CHCHD3: variants seen among roughly 807,000 people sequenced by gnomAD.
CHCHD3 encodes the protein coiled-coil-helix-coiled-coil-helix domain containing 3.
A neutral mutation model predicts 38.2 loss-of-function variants in CHCHD3; 20 were observed. The observed-to-expected ratio is 0.52, with a 90% CI of 0.37 to 0.76. The LOEUF is 0.76. Among genes scored for constraint, CHCHD3 ranks in the 30% least tolerant of loss-of-function variants. The pLI, the probability that CHCHD3 is intolerant of heterozygous loss-of-function variation, is 0.00. For missense variants in CHCHD3, 245 were observed against 279.2 expected (o/e 0.88, Z 0.87); for synonymous variants, 82 against 100.0 (o/e 0.82, Z 1.07).
At chr7:133,067,873 T>C (rs1248434327) in intron 2 of CHCHD3, among the ~76,000 whole-genome samples, 1 of 152,118 alleles carries the variant, frequency 6.6e-6, no homozygotes, top group Non-Finnish European at 1.5e-5. Context: ...TCCCAGCACT[T>C]TGGGAGGTCG....
intron 4 of CHCHD3, among the ~76,000 whole-genome samples, chr7:132,905,542 ACGTAACAAAC>A (rs1158961630): frequency 1.3e-5 from 2 of 152,130 alleles, no homozygotes; most frequent in Non-Finnish European, 2.9e-5. Context: ...ATGTTTACCT[ACGTAACAAAC>A]CTGCACATCC....
Position 132,931,921 on chromosome 7 carries a change from C to A in CHCHD3, c.369+43248G>T, listed in dbSNP as rs866138100. Among the ~76,000 whole-genome samples the A allele has an allele frequency of 4.6e-5, 7 of 152,194 alleles. No homozygotes were observed. In the Middle Eastern group the frequency reaches 0.014, roughly 298 times the overall value. On this transcript the variant is annotated intron_variant, in intron 4 of 7. Transcript: ENST00000262570. Reference sequence around the variant, plus strand: ...CAGTGGGAAATATAATGCAGCTTTACACTGCATCATGAAAGCAAGAAAACA... The same window carrying A: ...CAGTGGGAAATATAATGCAGCTTTAAACTGCATCATGAAAGCAAGAAAACA...
chr7:132,925,823 CA>C (rs1810364437), intron 4 of CHCHD3, among the ~76,000 whole-genome samples: 1 of 152,050 alleles, frequency 6.6e-6, no homozygotes, highest in South Asian at 2.1e-4. Context: ...AAAACGTTTC[CA>C]AAAGATGAGC....
At chr7:133,018,875 C>CTTTTTTTTTTT (rs5887607) in intron 3 of CHCHD3, among the ~76,000 whole-genome samples, 4 of 70,148 alleles carry the variant, frequency 5.7e-5, no homozygotes, top group African/African-American at 1.8e-4. Flanking sequence ...CATGATTTCT[C>CTTTTTTTTTTT]TTTTTTTTTT....
rs557137997 is a variant in CHCHD3 at position 132,838,316 on chromosome 7, C to A, written c.524+83G>T. ...GTATTCTAGAGTGCTATATAACAAA[C>A]TATGATCTGTGCAAAAAGCACTAAA... On this transcript the variant is annotated intron_variant, in intron 6 of 7. Transcript: ENST00000262570. 10 of 946,640 alleles carry A rather than the reference C, an allele frequency of 1.1e-5. No homozygotes were observed. In the African/African-American group the frequency reaches 1.7e-4, roughly 16 times the overall value. The allele number at this position is 946,640 out of a possible 1,614,324, so 58.6% of individuals were successfully genotyped here. A position where few individuals can be genotyped will look rare whatever the true frequency, so the allele number is the denominator to read the frequency against.
chr7:132,813,309 T>C (rs923860747), intron 6 of CHCHD3: 1 of 152,194 alleles, frequency 6.6e-6, no homozygotes, highest in Admixed American at 6.5e-5. Context: ...TCCCAATAAA[T>C]ACTTAAGTTC....
At chr7:132,866,227 A>G (rs571676787) in intron 5 of CHCHD3, among the ~76,000 whole-genome samples, 4 of 152,070 alleles carry the variant, frequency 2.6e-5, no homozygotes, top group Non-Finnish European at 4.4e-5. Context: ...TCCAAGTACA[A>G]CCTCTCAAAA....
chr7:132,928,149 C>G (rs367905246), intron 4 of CHCHD3, among the ~76,000 whole-genome samples: 2 of 152,028 alleles, frequency 1.3e-5, no homozygotes, highest in African/African-American at 4.8e-5. Context: ...AGGAAGGGGA[C>G]AGGCCAGCCA....
At position 133,054,028 on chromosome 7, in the gene CHCHD3, C is replaced by G. The variant is rs186505825; in HGVS notation, c.169+16114G>C. Among the ~76,000 whole-genome samples the G allele has an allele frequency of 3.1e-3, 479 of 152,220 alleles. 3 individuals carry two copies. The South Asian group carries it at 0.037, about 12-fold the overall frequency. On this transcript the variant is annotated intron_variant, in intron 2 of 7. Transcript: ENST00000262570. ...GTATTGCTTCATTAGTGCACAAATGCTATTTTAATGTAAAACATACTTTTA... is the reference window on the plus strand; with the variant it reads ...GTATTGCTTCATTAGTGCACAAATGGTATTTTAATGTAAAACATACTTTTA...
intron 4 of CHCHD3, among the ~76,000 whole-genome samples, chr7:132,905,511 G>A (rs1809777840): frequency 6.6e-6 from 1 of 151,952 alleles, no homozygotes; most frequent in African/African-American, 2.4e-5. Flanking sequence ...TAACACCTAG[G>A]TGATGGGATG....
chr7:132,831,119 T>C (rs1186283438), intron 6 of CHCHD3, among the ~76,000 whole-genome samples: 6 of 152,200 alleles, frequency 3.9e-5, no homozygotes, highest in Non-Finnish European at 7.3e-5. Flanking sequence ...TCTTCTTGTG[T>C]AAACTTTTCA....
intron 3 of CHCHD3, among the ~76,000 whole-genome samples, chr7:132,978,709 G>C (rs1349452384): frequency 6.6e-6 from 1 of 152,106 alleles, no homozygotes; most frequent in Non-Finnish European, 1.5e-5. Flanking sequence ...ATAATCCCAG[G>C]CTACATTAAA....
Position 132,933,464 on chromosome 7 carries a change from T to C in CHCHD3, c.369+41705A>G, listed in dbSNP as rs1238580703. 2.6e-5 allele frequency among the ~76,000 whole-genome samples: 4 copies of C among 152,184 alleles called. 1 individual carries two copies. The South Asian group carries it at 6.2e-4, about 24-fold the overall frequency. The stretch of plus-strand genomic sequence containing the variant: ...GTTCTATGGCCCTAACAACATAAAA[T>C]AGATTTTCCCTCTAGAATCTCAGCT... On this transcript the variant is annotated intron_variant, in intron 4 of 7. Coordinates refer to ENST00000262570, the MANE Select transcript of CHCHD3 (RefSeq NM_017812.4).
intron 2 of CHCHD3, among the ~76,000 whole-genome samples, chr7:133,068,450 A>T (rs1308991710): frequency 6.6e-6 from 1 of 152,216 alleles, no homozygotes; most frequent in East Asian, 1.9e-4. Flanking sequence ...GAAGGCAGAG[A>T]GGGACCAGTC....
intron 2 of CHCHD3, among the ~76,000 whole-genome samples, chr7:133,060,166 C>A (rs769196818): frequency 1.3e-5 from 2 of 152,220 alleles, no homozygotes; most frequent in Non-Finnish European, 2.9e-5. Context: ...GAGACTTCTT[C>A]TTTTCCTGCT....
At chr7:132,811,781 G>T (rs1807077012) in intron 6 of CHCHD3, among the ~76,000 whole-genome samples, 1 of 152,070 alleles carries the variant, frequency 6.6e-6, no homozygotes, top group Non-Finnish European at 1.5e-5. Context: ...CTGGCTCATT[G>T]TCTTCTAACT....
At chr7:132,973,948 C>G (rs946977824) in intron 4 of CHCHD3, 2 of 1,284,630 alleles carry the variant, frequency 1.6e-6, no homozygotes, top group South Asian at 1.2e-5. Context: ...GGAGTAACAT[C>G]TGGGTTTCTA....
At chr7:132,950,564 G>A (rs760197762) in intron 4 of CHCHD3, among the ~76,000 whole-genome samples, 9 of 152,104 alleles carry the variant, frequency 5.9e-5, no homozygotes, top group Non-Finnish European at 1.0e-4. Context: ...GACAGCCAAC[G>A]GGCCATCCAC....
At chr7:132,836,337 C>G (rs1807781326) in intron 6 of CHCHD3, among the ~76,000 whole-genome samples, 1 of 152,130 alleles carries the variant, frequency 6.6e-6, no homozygotes, top group Non-Finnish European at 1.5e-5. Flanking sequence ...CCAGGCTGAT[C>G]TTGAACTCCT....
Sources: gnomAD v4.1 joint callset for allele counts (sites outside exome capture counted in the v4.1 genomes callset) on GRCh38, gnomAD v4.1.1 for gene constraint, MANE v1.5 for transcripts, NCBI Gene and HGNC (gene_info 2026-07-23, HGNC 2026-07-21) for gene names.